The following ST13 variants were observed in gnomAD, a reference collection of about 807,000 sequenced individuals.
ST13 encodes ST13 Hsp70 interacting protein.
Under a neutral mutation model 56.7 loss-of-function variants are expected in ST13, and 23 were observed. The ratio of observed to expected loss-of-function variants is 0.41; its 90% CI spans 0.29 to 0.57. ST13 has a LOEUF of 0.57. Among genes scored for constraint, ST13 ranks in the 20% least tolerant of loss-of-function variants. The pLI, the probability that ST13 is intolerant of heterozygous loss-of-function variation, is 0.36. For missense variants in ST13, 369 were observed against 459.9 expected (o/e 0.80, Z 1.81); for synonymous variants, 132 against 142.4 (o/e 0.93, Z 0.52).
At chr22:40,845,593 T>A (rs1479471093) in intron 3 of ST13, among the ~76,000 whole-genome samples, 2 of 152,152 alleles carry the variant, frequency 1.3e-5, no homozygotes, top group African/African-American at 4.8e-5. Context: ...TGTACAGTAG[T>A]GACCAAAGCT....
chr22:40,852,382 C>T (rs968400071), intron 1 of ST13, among the ~76,000 whole-genome samples: 1 of 152,130 alleles, frequency 6.6e-6, no homozygotes, highest in Non-Finnish European at 1.5e-5. Context: ...ATAGATTGTC[C>T]TTCTTTATTT....
At chr22:40,848,620 G>T (rs1031587266) in intron 2 of ST13, among the ~76,000 whole-genome samples, 9 of 152,094 alleles carry the variant, frequency 5.9e-5, no homozygotes, top group African/African-American at 2.2e-4. Flanking sequence ...GTGCCCGCTT[G>T]TAATCCCAGC....
chr22:40,830,654 AT>A (rs2057749649), intron 9 of ST13, among the ~76,000 whole-genome samples, 185 bp downstream of exon 9: 1 of 152,220 alleles, frequency 6.6e-6, no homozygotes, highest in Non-Finnish European at 1.5e-5. Flanking sequence ...TCACTGAATA[AT>A]TTAAGACTAA....
intron 1 of ST13, among the ~76,000 whole-genome samples, chr22:40,851,748 CT>C (rs768642763): frequency 2.5e-3 from 350 of 141,398 alleles, no homozygotes; most frequent in Middle Eastern, 3.7e-3. Context: ...AGAAAGGGTT[CT>C]TTTTTTTTTT....
intron 5 of ST13, among the ~76,000 whole-genome samples, chr22:40,836,208 T>TG (rs1246486222): frequency 6.6e-6 from 1 of 152,224 alleles, no homozygotes; most frequent in Non-Finnish European, 1.5e-5. Flanking sequence ...CCCAGCACTT[T>TG]GGGAGGCCAA....
intron 4 of ST13, among the ~76,000 whole-genome samples, chr22:40,841,939 T>C (rs1343970075): frequency 2.0e-5 from 3 of 152,170 alleles, no homozygotes; most frequent in Non-Finnish European, 4.4e-5. Context: ...ACAAAGTCTA[T>C]ATTCAGAGGA....
At position 40,848,235 on chromosome 22, in the gene ST13, A is replaced by C. The variant is rs537597752; in HGVS notation, c.244+59T>G. ...GTGCTGATTTAAGTCACTTTAATAAAAATCAACAAAGTATCACATCATAGG... is the reference window on the plus strand; with the variant it reads ...GTGCTGATTTAAGTCACTTTAATAACAATCAACAAAGTATCACATCATAGG... On this transcript the variant is annotated intron_variant, in intron 3 of 11. Coordinates refer to ENST00000216218, the MANE Select transcript of ST13 (RefSeq NM_003932.5). The C allele has an allele frequency of 2.5e-5, 32 of 1,268,126 alleles. No homozygotes were observed. In the African/African-American group the frequency reaches 4.4e-4, roughly 17 times the overall value. The allele number at this position is 1,268,126 out of a possible 1,614,324, so 78.6% of individuals were successfully genotyped here. A position where few individuals can be genotyped will look rare whatever the true frequency, so the allele number is the denominator to read the frequency against.
chr22:40,827,262 C>T, intron 10 of ST13, 33 bp from the exon 11 acceptor site: 2 of 1,607,244 alleles, frequency 1.2e-6, no homozygotes, highest in South Asian at 2.2e-5. Flanking sequence ...ACTAATCATA[C>T]TCCCAAATAT....
At chr22:40,837,743 C>T (rs1038806504) in intron 5 of ST13, among the ~76,000 whole-genome samples, 1 of 152,148 alleles carries the variant, frequency 6.6e-6, no homozygotes, top group Non-Finnish European at 1.5e-5. Context: ...AGGATCCTCC[C>T]AGCCTCAAGG....
At chr22:40,838,703 G>C (rs1244275632) in intron 5 of ST13, among the ~76,000 whole-genome samples, 1 of 152,116 alleles carries the variant, frequency 6.6e-6, no homozygotes, top group Non-Finnish European at 1.5e-5. Context: ...TGAGGCTGCA[G>C]TGAGCCATGA....
At chr22:40,851,018 C>T in intron 1 of ST13, 138 bp from the exon 2 acceptor site, 1 of 620,728 alleles carries the variant, frequency 1.6e-6, no homozygotes, top group Non-Finnish European at 2.8e-6. Context: ...CTCAATTAAT[C>T]TGAATGCTGT....
chr22:40,850,757 A>T, intron 2 of ST13, 66 bp downstream of exon 2: 1 of 1,292,666 alleles, frequency 7.7e-7, no homozygotes, highest in Non-Finnish European at 1.1e-6. Flanking sequence ...GCAGCAGTTT[A>T]AAAACAACCC....
chr22:40,846,719 G>A (rs1048632783), intron 3 of ST13, among the ~76,000 whole-genome samples: 2 of 152,050 alleles, frequency 1.3e-5, no homozygotes, highest in African/African-American at 2.4e-5. Context: ...CAGGCCAGGC[G>A]TGGTGGCTCA....
At chr22:40,831,680 A>G (rs6002172) in intron 8 of ST13, among the ~76,000 whole-genome samples, 12 of 152,316 alleles carry the variant, frequency 7.9e-5, no homozygotes, top group African/African-American at 2.9e-4. Context: ...TACAATTCCC[A>G]CTATCTTAAA....
chr22:40,829,375 T>G (rs1403469079), intron 10 of ST13, among the ~76,000 whole-genome samples: 2 of 152,228 alleles, frequency 1.3e-5, no homozygotes, highest in African/African-American at 4.8e-5. Flanking sequence ...TCCTGTCCTC[T>G]GGTATTCAAA....
intron 1 of ST13, among the ~76,000 whole-genome samples, chr22:40,852,027 A>G (rs138347): frequency 0.74 from 112,223 of 152,188 alleles, 42,825 homozygotes; most frequent in African/African-American, 0.94. Context: ...ACAGGCATGA[A>G]CCACTGCGCC....
intron 1 of ST13, among the ~76,000 whole-genome samples, chr22:40,855,938 G>A (rs191283991): frequency 1.3e-5 from 2 of 150,270 alleles, no homozygotes; most frequent in African/African-American, 2.5e-5. Flanking sequence ...AACGCTGTAA[G>A]GTAAAAACAA....
intron 4 of ST13, among the ~76,000 whole-genome samples, chr22:40,843,591 G>A (rs544156425): frequency 2.0e-5 from 3 of 152,206 alleles, no homozygotes; most frequent in African/African-American, 7.2e-5. Context: ...AAAAAGCAAT[G>A]CACTACAGCA....
chr22:40,830,343 T>G (rs746912359), intron 9 of ST13, among the ~76,000 whole-genome samples: 4 of 152,176 alleles, frequency 2.6e-5, no homozygotes, highest in Non-Finnish European at 5.9e-5. Flanking sequence ...GTAGGTGAAT[T>G]ATTGTAGCAT....
Sources: gnomAD v4.1 joint callset for allele counts (sites outside exome capture counted in the v4.1 genomes callset) on GRCh38, gnomAD v4.1.1 for gene constraint, MANE v1.5 for transcripts, NCBI Gene and HGNC (gene_info 2026-07-23, HGNC 2026-07-21) for gene names.